Variants in PGAP1 observed in about 807,000 individuals in gnomAD.
PGAP1 encodes the protein GPI inositol-deacylase.
In PGAP1, 76 loss-of-function variants were observed where a neutral mutation model predicts 127.0. That is an observed-to-expected ratio of 0.60 (90% CI 0.50 to 0.72). The LOEUF is 0.72. Ranked by LOEUF, PGAP1 falls within the 30% of genes least tolerant of loss-of-function variation. PGAP1 has a pLI of 0.00. For missense variants in PGAP1, 982 were observed against 1,071.3 expected (o/e 0.92, Z 1.16); for synonymous variants, 362 against 366.5 (o/e 0.99, Z 0.14).
chr2:196,882,519 AT>A (rs1701765422), intron 12 of PGAP1, among the ~76,000 whole-genome samples: 1 of 151,964 alleles, frequency 6.6e-6, no homozygotes, highest in South Asian at 2.1e-4. Context: ...GTCATCTCTG[AT>A]TTATTTGAAC....
rs1322445724 is a variant in PGAP1, at chr2:196,922,298, C to A, written c.148-2148G>T. ...GATATTACTTAATTGTAAACTTAAA[C>A]TGAAAAATAAAGTTTTATTTCCATA... On this transcript the variant is annotated intron_variant, in intron 1 of 26. Coordinates refer to ENST00000354764, the MANE Select transcript of PGAP1 (RefSeq NM_024989.4). 5.2e-6 allele frequency: 6 copies of A among 1,156,768 alleles called. No individual in the cohort carries two copies. In the Admixed American group the frequency reaches 2.3e-4, roughly 44 times the overall value. The allele number at this position is 1,156,768 out of a possible 1,614,324, so 71.7% of individuals were successfully genotyped here. A position where few individuals can be genotyped will look rare whatever the true frequency, so the allele number is the denominator to read the frequency against.
At chr2:196,865,875 T>A (rs967078899) in intron 19 of PGAP1, among the ~76,000 whole-genome samples, 4 of 152,076 alleles carry the variant, frequency 2.6e-5, no homozygotes, top group African/African-American at 9.7e-5. Context: ...CATTCACAAT[T>A]GCTACAAAGA....
chr2:196,898,305 G>T lies in PGAP1; in HGVS notation c.860+12C>A, dbSNP rs79169433. 2,851 of 1,574,804 alleles carry T rather than the reference G, an allele frequency of 1.8e-3. 38 individuals carry two copies. In the African/African-American group the frequency reaches 0.035, roughly 19 times the overall value. On this transcript the variant is annotated intron_variant, in intron 6 of 26. Coordinates refer to ENST00000354764, the MANE Select transcript of PGAP1 (RefSeq NM_024989.4). Reference sequence around the variant, plus strand: ...CAACTCATCAAAACAAGTTATACAAGTATTAACTTACCACACAATGGAGAG... The same window carrying T: ...CAACTCATCAAAACAAGTTATACAATTATTAACTTACCACACAATGGAGAG...
chr2:196,892,307 G>GA, intron 9 of PGAP1, 39 bp downstream of exon 9: 4 of 1,006,154 alleles, frequency 4.0e-6, no homozygotes, highest in Admixed American at 2.4e-5. Flanking sequence ...ATTATTTCTG[G>GA]AAAAAACATG....
At position 196,844,555 on chromosome 2, in the gene PGAP1, C is replaced by G; in HGVS notation, c.2306G>C (p.Ser769Thr). Residue 769 changes from serine to threonine, a missense_variant, in exon 24 of 27, where the codon AGC (serine) becomes ACC (threonine). Coordinates refer to ENST00000354764, the MANE Select transcript of PGAP1 (RefSeq NM_024989.4). ...YVFKVVHLQA[S>T]LTTFKNSQPV... ...CTGGCTATTCTTAAAAGTTGTTAAG[C>G]TGGCTTGCAGATGAACAACCTAAGA... is the stretch of plus-strand genomic sequence containing the variant. 6.3e-7 allele frequency: 1 copy of G among 1,596,204 alleles called. No individual in the cohort carries two copies. The highest frequency in any genetic ancestry group is 8.5e-7 in the Non-Finnish European group (1 of 1,173,532).
chr2:196,916,784 G>C (rs1703024111), intron 2 of PGAP1, among the ~76,000 whole-genome samples, 191 bp from the exon 3 acceptor site: 1 of 152,150 alleles, frequency 6.6e-6, no homozygotes, highest in South Asian at 2.1e-4. Context: ...AATGCAGTAA[G>C]TGTGTCATAA....
intron 21 of PGAP1, chr2:196,847,545 A>C (rs1011640830): frequency 3.1e-5 from 6 of 194,920 alleles, no homozygotes; most frequent in African/African-American, 1.4e-4. Context: ...AAATCTGAAA[A>C]TGTGACTAAA....
intron 5 of PGAP1, among the ~76,000 whole-genome samples, chr2:196,900,702 A>G (rs2125825878): frequency 6.6e-6 from 1 of 152,166 alleles, no homozygotes; most frequent in African/African-American, 2.4e-5. Flanking sequence ...AAGGCAGGTG[A>G]ACCACGAGGT....
At position 196,912,954 on chromosome 2, in the gene PGAP1, G is replaced by C; in HGVS notation, c.577C>G (p.Leu193Val). ...LLTLKNFKHD[L>V]INLLITQATP... is the part of the protein sequence containing the mutation. Reference sequence around the variant, plus strand: ...GCTTGTGTAATAAGAAGATTTATCAGATCATGCTTAAAATTTTTCAGTGTA... The same window carrying C: ...GCTTGTGTAATAAGAAGATTTATCACATCATGCTTAAAATTTTTCAGTGTA... The change falls in exon 4 of 27, where the codon CTG becomes GTG. Residue 193 changes from leucine to valine, a missense_variant. Coordinates refer to ENST00000354764, the MANE Select transcript of PGAP1 (RefSeq NM_024989.4). 6.2e-7 allele frequency: 1 copy of C among 1,613,874 alleles called. No individual in the cohort carries two copies. Among genetic ancestry groups the C allele is most frequent in the Non-Finnish European group, 8.5e-7 (1 of 1,179,886 alleles).
At chr2:196,916,726 T>G (rs1044510248) in intron 2 of PGAP1, 133 bp from the exon 3 acceptor site, 2 of 817,110 alleles carry the variant, frequency 2.4e-6, no homozygotes, top group African/African-American at 3.5e-5. Flanking sequence ...ATGAAATTCA[T>G]TAATAGCACC....
At position 196,864,390 on chromosome 2, in the gene PGAP1, C is replaced by CAAAAAAAAAAAAAAAAAAAAAAA. The variant is rs752788293; in HGVS notation, c.1861+574_1861+596dup. On this transcript the variant is annotated intron_variant, in intron 20 of 26. Transcript: ENST00000354764. ...GGGCAACAAGAGCAAAACTACGTCT[C>CAAAAAAAAAAAAAAAAAAAAAAA]AAAAAAAAAAAAAAAAAAAAAAAAA... Among the ~76,000 whole-genome samples, 2 of 32,390 alleles carry CAAAAAAAAAAAAAAAAAAAAAAA rather than the reference C, an allele frequency of 6.2e-5. 1 individual carries two copies. Among genetic ancestry groups the CAAAAAAAAAAAAAAAAAAAAAAA allele is most frequent in the Non-Finnish European group, 1.2e-4 (2 of 16,810 alleles). 21.2% of individuals were successfully genotyped at this position (32,390 alleles called of 152,430 possible). A position where few individuals can be genotyped will look rare whatever the true frequency, so the allele number is the denominator to read the frequency against.
intron 10 of PGAP1, among the ~76,000 whole-genome samples, chr2:196,887,966 A>AG (rs963746864): frequency 2.6e-5 from 4 of 152,188 alleles, no homozygotes; most frequent in African/African-American, 9.7e-5. Context: ...GCTACTAAGA[A>AG]GGGGCCTATC....
rs1700344162 is a variant in PGAP1, at chr2:196,839,448, A to G, written c.*1786T>C. On this transcript the variant is annotated 3_prime_UTR_variant, in exon 27 of 27. Coordinates refer to ENST00000354764, the MANE Select transcript of PGAP1 (RefSeq NM_024989.4). Reference sequence around the variant, plus strand: ...TCTCTCTTTCCTCTCCAGCTGAAACATATAGCACTTTGTATTTTATCTCTT... The same window carrying G: ...TCTCTCTTTCCTCTCCAGCTGAAACGTATAGCACTTTGTATTTTATCTCTT... 1 of 152,248 alleles carries G rather than the reference A, an allele frequency of 6.6e-6. No individual in the cohort carries two copies. The highest frequency in any genetic ancestry group is 1.5e-5 in the Non-Finnish European group (1 of 68,038). 9.4% of individuals were successfully genotyped at this position (152,248 alleles called of 1,614,324 possible). A position where few individuals can be genotyped will look rare whatever the true frequency, so the allele number is the denominator to read the frequency against.
rs1244957448 is a variant in PGAP1, at chr2:196,916,444, T to C, written c.451A>G (p.Ile151Val). ...TTATAGAGTTTGAGAATTGTTTTAA[T>C]ACATTCATGTACAAACTTGGTCTGC... ...QKQTKFVHEC[I>V]KTILKLYKGQ... is the part of the protein sequence containing the mutation. The change falls in exon 3 of 27, where the codon ATT becomes GTT. Residue 151 changes from isoleucine (I) to valine (V), a missense_variant. Transcript: ENST00000354764. 1 of 1,612,290 alleles carries C rather than the reference T, an allele frequency of 6.2e-7. No homozygotes were observed. The highest frequency in any genetic ancestry group is 8.5e-7 in the Non-Finnish European group (1 of 1,179,324).
At chr2:196,901,759 A>G (rs1702499211) in intron 5 of PGAP1, among the ~76,000 whole-genome samples, 1 of 152,238 alleles carries the variant, frequency 6.6e-6, no homozygotes. Context: ...TACTTATACT[A>G]TCAAAGCTAA....
chr2:196,892,942 T>A (rs1374431901), intron 8 of PGAP1, among the ~76,000 whole-genome samples, 198 bp downstream of exon 8: 1 of 152,102 alleles, frequency 6.6e-6, no homozygotes, highest in Non-Finnish European at 1.5e-5. Context: ...ATCTCTTACA[T>A]GTTGCTTCTT....
chr2:196,866,760 T>TA (rs1431608891), intron 19 of PGAP1, among the ~76,000 whole-genome samples: 5 of 151,354 alleles, frequency 3.3e-5, no homozygotes, highest in Non-Finnish European at 5.9e-5. Flanking sequence ...ATAAAGAACT[T>TA]AAACAAATTC....
intron 5 of PGAP1, among the ~76,000 whole-genome samples, chr2:196,899,776 G>A (rs775675256): frequency 1.3e-5 from 2 of 152,196 alleles, no homozygotes; most frequent in Non-Finnish European, 1.5e-5. Flanking sequence ...GCTCACGCCT[G>A]TAATCCCAAC....
chr2:196,891,656 CAT>C (rs2125818352), intron 9 of PGAP1, among the ~76,000 whole-genome samples: 1 of 152,142 alleles, frequency 6.6e-6, no homozygotes, highest in African/African-American at 2.4e-5. Context: ...ACTCTTTTCC[CAT>C]ATGATTTATT....
Sources: allele counts gnomAD v4.1 joint callset (sites outside exome capture counted in the v4.1 genomes callset), GRCh38; gene constraint gnomAD v4.1.1; transcripts MANE v1.5; gene names NCBI Gene and HGNC (gene_info 2026-07-23, HGNC 2026-07-21).